The following ERRFI1 variants were observed in gnomAD, a reference collection of about 807,000 sequenced individuals.
The protein encoded by ERRFI1 is mitogen-inducible gene 6 protein.
Under a neutral mutation model 14.6 loss-of-function variants are expected in ERRFI1, and 12 were observed. That is an observed-to-expected ratio of 0.82 (90% CI 0.53 to 1.33). The LOEUF (loss-of-function observed/expected upper bound fraction) is 1.33, where lower values mean the gene tolerates loss of function less well. ERRFI1 is among the 40% of genes most tolerant of loss of function. The pLI is 0.00. For synonymous variants in ERRFI1, 202 were observed against 209.9 expected (o/e 0.96, Z 0.32); for missense variants, 482 against 572.1 (o/e 0.84, Z 1.61).
At chr1:8,021,548 A>G (rs756519270) in intron 1 of ERRFI1, among the ~76,000 whole-genome samples, 1 of 152,248 alleles carries the variant, frequency 6.6e-6, no homozygotes, top group Admixed American at 6.5e-5. Context: ...AACGAGCACA[A>G]TGGTCTAATG....
intron 1 of ERRFI1, 92 bp from the exon 2 acceptor site, chr1:8,015,784 T>C: frequency 1.2e-6 from 1 of 820,682 alleles, no homozygotes; most frequent in Non-Finnish European, 1.8e-6. Context: ...AACAGAGGAT[T>C]TGGGGGATGC....
intron 1 of ERRFI1, among the ~76,000 whole-genome samples, chr1:8,025,754 C>A (rs972702671): frequency 6.6e-6 from 1 of 152,154 alleles, no homozygotes; most frequent in African/African-American, 2.4e-5. Flanking sequence ...GACCTTCATG[C>A]TCGCCGCTCC....
intron 1 of ERRFI1, among the ~76,000 whole-genome samples, chr1:8,025,905 G>A (rs1362920941): frequency 1.3e-5 from 2 of 151,724 alleles, no homozygotes; most frequent in African/African-American, 4.8e-5. Context: ...ACTTCGCGGC[G>A]TCCCCAGGCC....
In ERRFI1 at chr1:8,015,667, T is replaced by TA. The variant is rs1641163477; in HGVS notation, c.-49dup. The TA allele has an allele frequency of 2.5e-6, 4 of 1,611,716 alleles. No homozygotes were observed. Among genetic ancestry groups the TA allele is most frequent in the Non-Finnish European group, 3.4e-6 (4 of 1,178,580 alleles). ...CCAAACCTGTGAGGCCCAGGCACTT[T>TA]AAAATCAACCAGTAGCTTTCATTCC... On this transcript the variant is annotated 5_prime_UTR_variant, in exon 2 of 4. Coordinates refer to ENST00000377482, the MANE Select transcript of ERRFI1 (RefSeq NM_018948.4).
intron 1 of ERRFI1, among the ~76,000 whole-genome samples, chr1:8,025,013 G>A (rs748325341): frequency 1.3e-5 from 2 of 152,092 alleles, no homozygotes; most frequent in Non-Finnish European, 1.5e-5. Context: ...ATTTATAAAA[G>A]GTTGAACATT....
At chr1:8,018,892 C>T (rs1168797060) in intron 1 of ERRFI1, among the ~76,000 whole-genome samples, 3 of 152,174 alleles carry the variant, frequency 2.0e-5, no homozygotes, top group Non-Finnish European at 4.4e-5. Flanking sequence ...TTCAACTTTG[C>T]ATTTCCTATT....
chr1:8,015,445 T>C (rs776574075), intron 2 of ERRFI1, 50 bp downstream of exon 2: 10 of 1,614,004 alleles, frequency 6.2e-6, no homozygotes, highest in East Asian at 2.2e-5. Context: ...TCTCCCATTT[T>C]AGTGTCACAT....
In ERRFI1 at chr1:8,015,571, T is replaced by C; in HGVS notation, c.49A>G (p.Thr17Ala). The change falls in exon 2 of 4, where the codon ACT (threonine) becomes GCT (alanine). Residue 17 changes from threonine to alanine, a missense_variant. Coordinates refer to ENST00000377482, the MANE Select transcript of ERRFI1 (RefSeq NM_018948.4). ...AAQEIRVPLK[T>A]GFLHNGRAMG... ...GCTCGGCCATTATGTAGAAATCCAGTTTTTAATGGGACTCTGATCTCCTGA... is the reference window on the plus strand; with the variant it reads ...GCTCGGCCATTATGTAGAAATCCAGCTTTTAATGGGACTCTGATCTCCTGA... 1 of 1,614,128 alleles carries C rather than the reference T, an allele frequency of 6.2e-7. No individual in the cohort carries two copies. Among genetic ancestry groups the C allele is most frequent in the Non-Finnish European group, 8.5e-7 (1 of 1,179,992 alleles).
intron 3 of ERRFI1, 63 bp from the exon 4 acceptor site, chr1:8,014,459 A>C: frequency 7.0e-6 from 10 of 1,431,536 alleles, no homozygotes; most frequent in Non-Finnish European, 6.6e-6. Flanking sequence ...TGTGAGGGAG[A>C]GAGCACCCCA....
Position 8,012,974 on chromosome 1 carries a change from T to G in ERRFI1, c.*236A>C, listed in dbSNP as rs1256034278. 18 of 516,210 alleles carry G rather than the reference T, an allele frequency of 3.5e-5. No homozygotes were observed. The highest frequency in any genetic ancestry group is 5.8e-5 in the Non-Finnish European group (17 of 294,960). The allele number at this position is 516,210 out of a possible 1,614,324, so 32.0% of individuals were successfully genotyped here. ...TATAAAAAGCTTCCCCATCCTCCCC[T>G]CCCCACCATCACATCTTTAAATTAT... is the stretch of plus-strand genomic sequence containing the variant. On this transcript the variant is annotated 3_prime_UTR_variant, in exon 4 of 4. Transcript: ENST00000377482.
chr1:8,023,892 G>A (rs1274428822), intron 1 of ERRFI1, among the ~76,000 whole-genome samples: 1 of 152,214 alleles, frequency 6.6e-6, no homozygotes, highest in African/African-American at 2.4e-5. Flanking sequence ...TATGTAGCGA[G>A]TTCTTTATTA....
intron 1 of ERRFI1, among the ~76,000 whole-genome samples, chr1:8,016,455 T>TGTTTCACAAGC (rs1641175181): frequency 6.6e-6 from 1 of 152,242 alleles, no homozygotes; most frequent in Non-Finnish European, 1.5e-5. Flanking sequence ...AAACACCCAG[T>TGTTTCACAAGC]AACTCATATC....
At position 8,014,412 on chromosome 1, in the gene ERRFI1, G is replaced by C. The variant is rs150200905; in HGVS notation, c.203-16C>G. 1 of 1,538,642 alleles carries C rather than the reference G, an allele frequency of 6.5e-7. No homozygotes were observed. Among genetic ancestry groups the C allele is most frequent in the East Asian group, 2.3e-5 (1 of 44,280 alleles). The stretch of plus-strand genomic sequence containing the variant: ...GAAGCATGCCCTGGAATGAACGAGA[G>C]ATATTAATAAAAGATCAACAATCCT... On this transcript the variant is annotated splice_polypyrimidine_tract_variant and intron_variant, in intron 3 of 3. Coordinates refer to ENST00000377482, the MANE Select transcript of ERRFI1 (RefSeq NM_018948.4).
At chr1:8,014,772 T>C (rs1278325738) in intron 3 of ERRFI1, 1 of 233,408 alleles carries the variant, frequency 4.3e-6, no homozygotes, top group African/African-American at 2.3e-5. Flanking sequence ...ACTAGGCACG[T>C]AGGGTACCAA....
rs1235593315 is a variant in ERRFI1 at position 8,014,257 on chromosome 1, A to G, written c.342T>C (p.Gly114=). Residue 114 remains glycine, a synonymous_variant, in exon 4 of 4, where the codon GGT becomes GGC. Transcript: ENST00000377482. Reference sequence around the variant, plus strand: ...CCCCATTCACTGTGAGTTTCTTAAAACCACATACAACTTGATCCTCTTCAT... The same window carrying G: ...CCCCATTCACTGTGAGTTTCTTAAAGCCACATACAACTTGATCCTCTTCAT... The part of the protein sequence containing the change: ...GPHEEDQVVC[G]FKKLTVNGVC... 1.2e-6 allele frequency: 2 copies of G among 1,614,092 alleles called. No homozygotes were observed. Among genetic ancestry groups the G allele is most frequent in the Non-Finnish European group, 1.7e-6 (2 of 1,180,018 alleles).
At chr1:8,016,904 T>C (rs1266519163) in intron 1 of ERRFI1, among the ~76,000 whole-genome samples, 1 of 151,550 alleles carries the variant, frequency 6.6e-6, no homozygotes, top group Non-Finnish European at 1.5e-5. Context: ...TACACAGGTT[T>C]TTTTTTTTGT....
At position 8,013,444 on chromosome 1, in the gene ERRFI1, A is replaced by C. The variant is rs1369574916; in HGVS notation, c.1155T>G (p.Asn385Lys). Residue 385 changes from asparagine to lysine, a missense_variant, in exon 4 of 4, where the codon AAT becomes AAG. By Grantham distance (94) the Asn-to-Lys change is moderately conservative. Coordinates refer to ENST00000377482, the MANE Select transcript of ERRFI1 (RefSeq NM_018948.4). This position sits in a 1 kb window ranked among gnomAD's most constrained non-coding sequence, Gnocchi z 4.3. ...KVPCILPIIENGKKVSSTHYY... is the reference protein window; with the variant it reads ...KVPCILPIIEKGKKVSSTHYY... ...AATGTGTTGAACTAACCTTCTTCCC[A>C]TTTTCAATAATGGGCAGAATGCAAG... 6.2e-7 allele frequency: 1 copy of C among 1,614,124 alleles called. No individual in the cohort carries two copies. The highest frequency in any genetic ancestry group is 1.3e-5 in the African/African-American group (1 of 75,008).
At chr1:8,016,805 G>C (rs1019360472) in intron 1 of ERRFI1, among the ~76,000 whole-genome samples, 8 of 152,078 alleles carry the variant, frequency 5.3e-5, no homozygotes, top group Non-Finnish European at 7.4e-5. Context: ...TAAGGGATCA[G>C]TGCAAATAAT....
At chr1:8,021,217 A>G (rs578013292) in intron 1 of ERRFI1, among the ~76,000 whole-genome samples, 16 of 152,338 alleles carry the variant, frequency 1.1e-4, no homozygotes, top group African/African-American at 3.8e-4. Flanking sequence ...ACTGTCAAAT[A>G]AAAAATAAAT....
Sources: gnomAD v4.1 joint callset for allele counts (sites outside exome capture counted in the v4.1 genomes callset) on GRCh38, gnomAD v4.1.1 for gene constraint, Gnocchi (gnomAD v3.1) non-coding constraint, MANE v1.5 for transcripts, NCBI Gene and HGNC (gene_info 2026-07-23, HGNC 2026-07-21) for gene names.